Variants in ASB12 observed in about 807,000 individuals in gnomAD.
ASB12 encodes ankyrin repeat and SOCS box containing 12.
A neutral mutation model predicts 13.7 loss-of-function variants in ASB12; 17 were observed. The observed-to-expected ratio is 1.24, with a 90% CI of 0.85 to 1.86. The LOEUF (loss-of-function observed/expected upper bound fraction) is 1.86. Among genes scored for constraint, ASB12 ranks in the 40% most tolerant of loss-of-function variants. The probability of loss-of-function intolerance (pLI) is 0.00; values close to 1 mark genes in which losing one functional copy is unlikely to be tolerated. For missense variants in ASB12, 329 were observed against 250.5 expected (o/e 1.31, Z -2.11); for synonymous variants, 107 against 99.8 (o/e 1.07, Z -0.43).
intron 2 of ASB12, 24 bp downstream of exon 2, chrX:64,224,804 G>A: frequency 8.6e-7 from 1 of 1,158,575 alleles, no homozygotes; most frequent in Non-Finnish European, 1.2e-6. Flanking sequence ...GGTGGCCTAT[G>A]AGGCTGGCCT....
chrX:64,226,945 A>C (rs1050072020), intron 1 of ASB12, among the ~76,000 whole-genome samples: 10 of 110,299 alleles, frequency 9.1e-5, no homozygotes, highest in Non-Finnish European at 1.3e-4. Context: ...GGTCACCCTA[A>C]ACTTTAGGCC....
intron 1 of ASB12, 129 bp downstream of exon 1, chrX:64,230,334 C>G (rs1052708861): frequency 9.0e-6 from 1 of 111,228 alleles, no homozygotes; most frequent in Non-Finnish European, 1.9e-5. Context: ...ACCTTCCAAG[C>G]GCCTCCCCCA....
At chrX:64,226,484 C>A (rs1164611398) in intron 1 of ASB12, among the ~76,000 whole-genome samples, 1 of 112,016 alleles carries the variant, frequency 8.9e-6, no homozygotes, top group Admixed American at 9.4e-5. Context: ...GCTCCCAGGG[C>A]AAGTTTCCTC....
At chrX:64,228,955 G>A (rs1931002728) in intron 1 of ASB12, among the ~76,000 whole-genome samples, 1 of 111,193 alleles carries the variant, frequency 9.0e-6, no homozygotes. Context: ...AGGGTAAGGG[G>A]TTTTCCATAT....
At chrX:64,226,674 C>T (rs913871798) in intron 1 of ASB12, 3 of 741,783 alleles carry the variant, frequency 4.0e-6, no homozygotes. Context: ...CAAAACCACT[C>T]ATGGCTCAAT....
chrX:64,226,884 G>A lies in ASB12; in HGVS notation c.-24-1210C>T, dbSNP rs142175292. 1,252 of 332,279 alleles carry A rather than the reference G, an allele frequency of 3.8e-3. 30 individuals carry two copies. Among genetic ancestry groups the A allele is most frequent in the African/African-American group, 0.035 (1,196 of 34,592 alleles). The allele number at this position is 332,279 out of a possible 1,213,427, so 27.4% of individuals were successfully genotyped here. A position where few individuals can be genotyped will look rare whatever the true frequency, so the allele number is the denominator to read the frequency against. On this transcript the variant is annotated intron_variant, in intron 1 of 2. Coordinates refer to ENST00000362002, the MANE Select transcript of ASB12 (RefSeq NM_130388.4). ...ACCCCCACCCCTCTTTGTTAGTCTG[G>A]GACCTCAGGTACCTACCTCATAGAA...
At chrX:64,224,644 A>T (rs751692458) in intron 2 of ASB12, among the ~76,000 whole-genome samples, 176 bp from the exon 3 acceptor site, 1 of 39,560 alleles carries the variant, frequency 2.5e-5, no homozygotes, top group African/African-American at 9.7e-5. Context: ...ACCCCCACCC[A>T]ACCTTATCTT....
rs762584784 is a variant in ASB12, at chrX:64,225,078, G to A, written c.573C>T (p.Tyr191=). 2.7e-5 allele frequency: 33 copies of A among 1,209,657 alleles called. No homozygotes were observed. In the South Asian group the frequency reaches 3.0e-4, roughly 11 times the overall value. ...CSGPLYLAAV[Y]GHLDCFRLLL... ...GCAGGCGGAAACAGTCCAGGTGCCCGTAGACTGCGGCCAAATAGAGGGGGC... is the reference window on the plus strand; with the variant it reads ...GCAGGCGGAAACAGTCCAGGTGCCCATAGACTGCGGCCAAATAGAGGGGGC... The change falls in exon 2 of 3, where the codon TAC becomes TAT. Residue 191 remains tyrosine, a synonymous_variant. Coordinates refer to ENST00000362002, the MANE Select transcript of ASB12 (RefSeq NM_130388.4).
chrX:64,230,291 C>T (rs1210390833), intron 1 of ASB12, among the ~76,000 whole-genome samples, 172 bp downstream of exon 1: 1 of 111,119 alleles, frequency 9.0e-6, no homozygotes, highest in Non-Finnish European at 1.9e-5. Flanking sequence ...GCATTATATC[C>T]CTCCTCCCTC....
rs1298256142 is a variant in ASB12 at position 64,224,459 on chromosome X, C to A, written c.833G>T (p.Arg278Leu). ...ALLLQARATPRSLLSQVRLVV... is the reference protein window; with the variant it reads ...ALLLQARATPLSLLSQVRLVV... ...TAAACGGACCTGTGATAGAAGTGAC[C>A]GTGGAGTGGCTACAGCAAGAAGAAA... Residue 278 changes from arginine (R) to leucine (L), a missense_variant, in exon 3 of 3, where the codon CGG becomes CTG. Transcript: ENST00000362002. 2 of 1,208,966 alleles carry A rather than the reference C, an allele frequency of 1.7e-6. No individual in the cohort carries two copies. The highest frequency in any genetic ancestry group is 1.8e-5 in the South Asian group (1 of 56,598).
rs73516486 is a variant in ASB12 at position 64,224,620 on chromosome X, G to T, written c.824-152C>A. On this transcript the variant is annotated intron_variant, in intron 2 of 2. Transcript: ENST00000362002. Reference sequence around the variant, plus strand: ...TTGGCAGAGCCAGAACCAGAAATTGGGCTAATGCTCCCCACCCCCACCCAA... The same window carrying T: ...TTGGCAGAGCCAGAACCAGAAATTGTGCTAATGCTCCCCACCCCCACCCAA... 0.018 allele frequency: 14,454 copies of T among 809,815 alleles called. 1,530 individuals carry two copies. The African/African-American group carries it at 0.28, about 16-fold the overall frequency. 66.7% of individuals were successfully genotyped at this position (809,815 alleles called of 1,213,427 possible).
intron 1 of ASB12, among the ~76,000 whole-genome samples, chrX:64,227,889 A>G (rs749907668): frequency 2.1e-4 from 24 of 111,902 alleles, no homozygotes; most frequent in Non-Finnish European, 2.8e-4. Context: ...AGTCCTGTGG[A>G]TTTTACCTAC....
At chrX:64,225,943 T>C (rs1368849731) in intron 1 of ASB12, among the ~76,000 whole-genome samples, 1 of 112,636 alleles carries the variant, frequency 8.9e-6, no homozygotes, top group Non-Finnish European at 1.9e-5. Context: ...CTCCTCTTCC[T>C]GCTCAGGGAT....
At chrX:64,230,417 G>T (rs1024202311) in intron 1 of ASB12, 46 bp downstream of exon 1, 1 of 111,000 alleles carries the variant, frequency 9.0e-6, no homozygotes, top group South Asian at 3.9e-4. Context: ...CTGTGGGCCC[G>T]CAGTGGTCAC....
Position 64,225,369 on chromosome X carries a change from G to T in ASB12, c.282C>A (p.Ala94=), listed in dbSNP as rs141503461. ...GHLSCLQVLL[A]HGADVDSLDV... is the part of the protein sequence containing the mutation. ...CCAAGCTGTCAACATCAGCACCATG[G>T]GCTAAGAGGACTTGCAAACAGCTCA... Residue 94 remains alanine (A), a synonymous_variant, in exon 2 of 3, where the codon GCC becomes GCA. Coordinates refer to ENST00000362002, the MANE Select transcript of ASB12 (RefSeq NM_130388.4). 4.6e-5 allele frequency: 56 copies of T among 1,206,798 alleles called. No homozygotes were observed. In the African/African-American group the frequency reaches 9.3e-4, roughly 20 times the overall value.
rs1930922462 is a variant in ASB12 at position 64,225,313 on chromosome X, G to A, written c.338C>T (p.Ala113Val). The A allele has an allele frequency of 5.8e-6, 7 of 1,209,769 alleles. No individual in the cohort carries two copies. Among genetic ancestry groups the A allele is most frequent in the South Asian group, 3.5e-5 (2 of 56,444 alleles). ...DVKAQTPLFT[A>V]VSHGHLDCVR... ...ACAGTCCAGATGGCCATGACTGACA[G>A]CAGTGAAAAGTGGCGTCTGTGCCTT... is the stretch of plus-strand genomic sequence containing the variant. Residue 113 changes from alanine to valine, a missense_variant, in exon 2 of 3, where the codon GCT becomes GTT. Ala to Val is a moderately conservative substitution (Grantham distance 64). Coordinates refer to ENST00000362002, the MANE Select transcript of ASB12 (RefSeq NM_130388.4).
intron 1 of ASB12, among the ~76,000 whole-genome samples, chrX:64,229,825 G>A (rs748158285): frequency 8.9e-6 from 1 of 111,893 alleles, no homozygotes; most frequent in Non-Finnish European, 1.9e-5. Flanking sequence ...ACATGAACTG[G>A]TTATGCTACT....
Position 64,224,560 on chromosome X carries a change from C to G in ASB12, c.824-92G>C. On this transcript the variant is annotated intron_variant, in intron 2 of 2. Transcript: ENST00000362002. ...CCACTCTCCACTGGCTACTACAGCC[C>G]TAATGCTCTATCCTTTCCAAGAAAT... 3 of 985,675 alleles carry G rather than the reference C, an allele frequency of 3.0e-6. No individual in the cohort carries two copies. In the South Asian group the frequency reaches 7.0e-5, roughly 23 times the overall value. 81.2% of individuals were successfully genotyped at this position (985,675 alleles called of 1,213,427 possible). A position where few individuals can be genotyped will look rare whatever the true frequency, so the allele number is the denominator to read the frequency against.
chrX:64,229,325 C>A (rs1460600660), intron 1 of ASB12, among the ~76,000 whole-genome samples: 3 of 111,742 alleles, frequency 2.7e-5, no homozygotes, highest in Non-Finnish European at 5.6e-5. Flanking sequence ...ATATAATGAG[C>A]CTCCAGAGGG....
Sources: gnomAD v4.1 joint callset for allele counts (sites outside exome capture counted in the v4.1 genomes callset) on GRCh38, gnomAD v4.1.1 for gene constraint, MANE v1.5 for transcripts, NCBI Gene and HGNC (gene_info 2026-07-23, HGNC 2026-07-21) for gene names.